ROBO2: variants seen among roughly 807,000 people sequenced by gnomAD.
The protein encoded by ROBO2 is roundabout guidance receptor 2, also known as roundabout homolog 2.
ROBO2 carries 53 observed loss-of-function variants against 160.8 expected under a neutral mutation model. The observed-to-expected ratio is 0.33, with a 90% CI of 0.26 to 0.41. The LOEUF is 0.41. Ranked by LOEUF, ROBO2 falls within the 10% of genes least tolerant of loss-of-function variation. The probability of loss-of-function intolerance (pLI) is 1.00; values close to 1 mark genes in which losing one functional copy is unlikely to be tolerated. For missense variants in ROBO2, 1,577 were observed against 1,722.4 expected, an observed-to-expected ratio of 0.92 and a Z score of 1.49; for synonymous variants, 664 against 611.7, an observed-to-expected ratio of 1.09 and a Z score of -1.26.
chr3:76,634,229 C>T (rs535067359), intron 2 of ROBO2, among the ~76,000 whole-genome samples: 19 of 152,250 alleles, frequency 1.2e-4, no homozygotes, highest in South Asian at 8.3e-4. Context: ...CTTCTGTGCT[C>T]CTGCATCCCT....
intron 2 of ROBO2, among the ~76,000 whole-genome samples, chr3:76,821,401 C>T (rs763145168): frequency 6.6e-6 from 1 of 151,872 alleles, no homozygotes; most frequent in South Asian, 2.1e-4. Flanking sequence ...ATTCCCTCTC[C>T]GATAGTTGCT....
At chr3:77,468,884 A>G (rs1477711565) in intron 2 of ROBO2, among the ~76,000 whole-genome samples, 1 of 152,154 alleles carries the variant, frequency 6.6e-6, no homozygotes, top group East Asian at 1.9e-4. Context: ...AGGGTGCCAG[A>G]GTGTCAGCTT....
intron 2 of ROBO2, among the ~76,000 whole-genome samples, chr3:77,016,671 C>G (rs889956922): frequency 1.1e-4 from 16 of 152,212 alleles, no homozygotes; most frequent in African/African-American, 3.9e-4. Flanking sequence ...GTAATGCAAC[C>G]ATTATCACCA....
intron 2 of ROBO2, among the ~76,000 whole-genome samples, chr3:76,657,906 A>T (rs1015375092): frequency 1.3e-5 from 2 of 148,242 alleles, no homozygotes. Flanking sequence ...ATGTGTGTGT[A>T]TCTATATGAA....
intron 2 of ROBO2, among the ~76,000 whole-genome samples, chr3:76,243,646 A>G (rs1288765441): frequency 6.6e-6 from 1 of 152,160 alleles, no homozygotes; most frequent in Non-Finnish European, 1.5e-5. Flanking sequence ...AGAAGACAGC[A>G]CTTGCAGGCG....
At chr3:75,978,897 G>A (rs2065202447) in intron 2 of ROBO2, among the ~76,000 whole-genome samples, 1 of 151,516 alleles carries the variant, frequency 6.6e-6, no homozygotes, top group Non-Finnish European at 1.5e-5. Context: ...GCATGAGTAA[G>A]TGCTTGTGCA....
chr3:76,004,137 A>G (rs1026426598), intron 2 of ROBO2, among the ~76,000 whole-genome samples: 2 of 152,224 alleles, frequency 1.3e-5, no homozygotes, highest in African/African-American at 4.8e-5. Context: ...GCCTTAAACT[A>G]TAAATAACCC....
exon 26 of ROBO2, chr3:77,646,301 G>T (rs956416605): frequency 2.6e-6 from 1 of 389,456 alleles, no homozygotes; most frequent in Non-Finnish European, 4.7e-6. Flanking sequence ...AACAAAACTC[G>T]CCCTACAGGA....
intron 2 of ROBO2, among the ~76,000 whole-genome samples, chr3:76,135,178 C>G (rs1052704545): frequency 6.6e-6 from 1 of 151,984 alleles, no homozygotes; most frequent in African/African-American, 2.4e-5. Flanking sequence ...TTGGCCAGAA[C>G]GCAGTCACAT....
intron 2 of ROBO2, among the ~76,000 whole-genome samples, chr3:76,646,133 T>TG (rs1323593329): frequency 2.0e-5 from 3 of 152,126 alleles, no homozygotes; most frequent in Non-Finnish European, 4.4e-5. Flanking sequence ...AGTCAATTGG[T>TG]GCTAAGTTTT....
chr3:76,090,929 T>C (rs1408785612), intron 2 of ROBO2, among the ~76,000 whole-genome samples: 1 of 152,184 alleles, frequency 6.6e-6, no homozygotes, highest in Non-Finnish European at 1.5e-5. Context: ...GACATAGGCC[T>C]TACAACTCTT....
At chr3:76,116,789 G>T (rs1576924375) in intron 2 of ROBO2, among the ~76,000 whole-genome samples, 1 of 152,124 alleles carries the variant, frequency 6.6e-6, no homozygotes, top group South Asian at 2.1e-4. Flanking sequence ...ACCAAGCTTT[G>T]TGTGAGCACA....
At chr3:76,130,416 T>C (rs1047669956) in intron 2 of ROBO2, among the ~76,000 whole-genome samples, 5 of 152,122 alleles carry the variant, frequency 3.3e-5, no homozygotes, top group Non-Finnish European at 7.4e-5. Context: ...CACTGAGAAA[T>C]TTAAAAACAT....
At chr3:77,035,329 T>C (rs1033175766), upstream of ROBO2, among the ~76,000 whole-genome samples, 1 of 151,892 alleles carries the variant, frequency 6.6e-6, no homozygotes, top group Admixed American at 6.6e-5. Flanking sequence ...GTATACACAA[T>C]TAAAGAAATT....
At chr3:76,229,203 A>T (rs1704472882) in intron 2 of ROBO2, among the ~76,000 whole-genome samples, 1 of 152,166 alleles carries the variant, frequency 6.6e-6, no homozygotes, top group South Asian at 2.1e-4. Flanking sequence ...CTCATAAAAG[A>T]TCAAATTCTT....
rs142350629 is a variant in ROBO2 at position 77,564,330 on chromosome 3, A to T, written c.1683-624A>T. ...TGGCTGTAAATGGGTCCTCACACAC[A>T]AATTCAGAGAGATTTCACCGTTCTG... On this transcript the variant is annotated intron_variant, in intron 11 of 25. Transcript: ENST00000461745. 309 of 362,108 alleles carry T rather than the reference A, an allele frequency of 8.5e-4. 1 individual carries two copies. Among genetic ancestry groups the T allele is most frequent in the African/African-American group, 6.1e-3 (284 of 46,288 alleles). 22.4% of individuals were successfully genotyped at this position (362,108 alleles called of 1,614,324 possible).
chr3:76,937,580 A>G (rs1049488216), intron 2 of ROBO2, among the ~76,000 whole-genome samples: 20 of 146,304 alleles, frequency 1.4e-4, no homozygotes, highest in African/African-American at 5.0e-4. Context: ...TAAAATAGTA[A>G]TCTATAATCA....
rs5850279 is a variant in ROBO2, at chr3:76,654,929, T to TATATATATATATATATA, written c.110-443085_110-443084insATATATATATATATATA. On this transcript the variant is annotated intron_variant, in intron 2 of 26. Transcript: ENST00000487694. ...TATGTGTGTGTATATATATATATAT[T>TATATATATATATATATA]TATATATATAAATTTAAAGTTCAAA... Among the ~76,000 whole-genome samples, 213 of 141,400 alleles carry TATATATATATATATATA rather than the reference T, an allele frequency of 1.5e-3. 1 individual carries two copies. Among genetic ancestry groups the TATATATATATATATATA allele is most frequent in the Non-Finnish European group, 2.3e-3 (152 of 65,484 alleles). 92.8% of individuals were successfully genotyped at this position (141,400 alleles called of 152,430 possible). A position where few individuals can be genotyped will look rare whatever the true frequency, so the allele number is the denominator to read the frequency against.
chr3:77,607,116 T>G (rs746169623), intron 20 of ROBO2, among the ~76,000 whole-genome samples: 7 of 152,236 alleles, frequency 4.6e-5, no homozygotes, highest in Non-Finnish European at 7.3e-5. Flanking sequence ...TTCATTTGTA[T>G]TAGAATGCCA....
Sources: allele counts gnomAD v4.1 joint callset (sites outside exome capture counted in the v4.1 genomes callset), GRCh38; gene constraint gnomAD v4.1.1; transcripts MANE v1.5; gene names NCBI Gene and HGNC (gene_info 2026-07-23, HGNC 2026-07-21).